The following MYH16 variants were observed in gnomAD, a reference collection of about 807,000 sequenced individuals.
MYH16 encodes myosin heavy chain 16.
intron 39 of MYH16, among the ~76,000 whole-genome samples, chr7:99,303,870 T>C (rs1372720468): frequency 2.0e-5 from 3 of 152,106 alleles, no homozygotes; most frequent in Admixed American, 6.6e-5. Flanking sequence ...AAAAGGAAGA[T>C]GGATGAGCCC....
chr7:99,298,018 G>A (rs1313529597), intron 36 of MYH16, 23 bp downstream of exon 17: 1 of 456,584 alleles, frequency 2.2e-6, no homozygotes. Context: ...TGGGATGGGA[G>A]GCTGACTCTT....
chr7:99,259,459 GTTTA>G (rs1562776267), intron 11 of MYH16, among the ~76,000 whole-genome samples: 1 of 151,716 alleles, frequency 6.6e-6, no homozygotes, highest in Non-Finnish European at 1.5e-5. Flanking sequence ...TTTTATTTTT[GTTTA>G]TTTATTTTTT....
At chr7:99,246,689 G>A (rs1165466999) in intron 2 of MYH16, among the ~76,000 whole-genome samples, 1 of 151,656 alleles carries the variant, frequency 6.6e-6, no homozygotes, top group Admixed American at 6.6e-5. Context: ...GTGACAGAGT[G>A]AGACTCCATC....
chr7:99,297,612 A>G lies in MYH16; in HGVS notation n.4500-48A>G, dbSNP rs537434704. On this transcript the variant is annotated intron_variant and non_coding_transcript_variant, in intron 34 of 41. Coordinates refer to ENST00000439784, the Ensembl canonical transcript of MYH16. ...TGGAGGAATGACGGTGCCACCTGCC[A>G]TGACCCTGGAATGCCGAGTCTTATT... The G allele has an allele frequency of 6.3e-4, 279 of 441,074 alleles. 5 individuals carry two copies. Among genetic ancestry groups the G allele is most frequent in the South Asian group, 4.4e-3 (274 of 62,142 alleles). 27.3% of individuals were successfully genotyped at this position (441,074 alleles called of 1,614,324 possible). A position where few individuals can be genotyped will look rare whatever the true frequency, so the allele number is the denominator to read the frequency against.
downstream of MYH16, among the ~76,000 whole-genome samples, chr7:99,309,166 T>A (rs1792722884): frequency 6.6e-6 from 1 of 152,100 alleles, no homozygotes; most frequent in Admixed American, 6.6e-5. Flanking sequence ...GTGGGATTAA[T>A]CAGGGCAGCA....
At chr7:99,254,741 G>A (rs1003374332) in intron 8 of MYH16, among the ~76,000 whole-genome samples, 15 of 152,192 alleles carry the variant, frequency 9.9e-5, no homozygotes, top group Admixed American at 2.6e-4. Context: ...AGAAATAAGG[G>A]CATTGAGTAC....
chr7:99,272,496 G>A (rs1157623036), intron 19 of MYH16, among the ~76,000 whole-genome samples: 1 of 152,090 alleles, frequency 6.6e-6, no homozygotes, highest in Non-Finnish European at 1.5e-5. Flanking sequence ...CCAGCACTTT[G>A]AGAAGCCAAG....
exon 36 of MYH16, chr7:99,297,953 A>G: frequency 2.2e-6 from 1 of 456,660 alleles, no homozygotes; most frequent in East Asian, 7.0e-5. Context: ...GCTGACATCG[A>G]CCGAAGAATC....
At chr7:99,301,633 G>A in exon 38 of MYH16, 2 of 153,418 alleles carry the variant, frequency 1.3e-5, no homozygotes, top group Non-Finnish European at 2.9e-5. Flanking sequence ...AGGATGCCAG[G>A]CAGCACGAGG....
intron 8 of MYH16, among the ~76,000 whole-genome samples, chr7:99,255,161 T>C (rs894960042): frequency 6.6e-6 from 1 of 151,798 alleles, no homozygotes; most frequent in South Asian, 2.1e-4. Context: ...CCCAGCTACT[T>C]AGGAGGCTGA....
At chr7:99,271,713 A>C (rs1792048736) in intron 19 of MYH16, among the ~76,000 whole-genome samples, 1 of 152,044 alleles carries the variant, frequency 6.6e-6, no homozygotes, top group South Asian at 2.1e-4. Context: ...TTTATTTTTG[A>C]GTGGGGGATG....
intron 20 of MYH16, among the ~76,000 whole-genome samples, chr7:99,274,768 G>A (rs1220168445): frequency 6.6e-6 from 1 of 151,106 alleles, no homozygotes. Flanking sequence ...CCGCCTCCCG[G>A]GTTCAAGTTA....
At chr7:99,294,130 C>T (rs1253379525) in exon 33 of MYH16, 2 of 456,256 alleles carry the variant, frequency 4.4e-6, no homozygotes, top group Non-Finnish European at 8.8e-6. Context: ...AGTTGAGGAC[C>T]TCACCATCGA....
intron 18 of MYH16, among the ~76,000 whole-genome samples, chr7:99,270,471 G>A (rs1374348013): frequency 6.6e-6 from 1 of 151,456 alleles, no homozygotes; most frequent in African/African-American, 2.4e-5. Context: ...ACAGGCGCCC[G>A]CCACCACGCC....
intron 20 of MYH16, among the ~76,000 whole-genome samples, chr7:99,273,759 T>G (rs1398627265): frequency 7.6e-6 from 1 of 131,348 alleles, no homozygotes; most frequent in Non-Finnish European, 1.6e-5. Flanking sequence ...GAGAGGAAAG[T>G]AAGAAAGAGA....
At chr7:99,284,852 T>G (rs1169439407) in exon 26 of MYH16, 1 of 456,558 alleles carries the variant, frequency 2.2e-6, no homozygotes, top group African/African-American at 2.0e-5. Context: ...CAGGAGGGAT[T>G]TGGAAATAAA....
chr7:99,293,157 T>C (rs1387008900), intron 32 of MYH16, among the ~76,000 whole-genome samples: 1 of 152,040 alleles, frequency 6.6e-6, no homozygotes, highest in African/African-American at 2.4e-5. Context: ...TCAAAGAACA[T>C]GGTCAACTTA....
intron 23 of MYH16, among the ~76,000 whole-genome samples, 195 bp from the exon 6 acceptor site, chr7:99,283,370 G>A (rs1792228537): frequency 4.6e-5 from 7 of 152,188 alleles, no homozygotes. Flanking sequence ...TGACCTCCCT[G>A]ATGGGTGGCT....
chr7:99,276,241 C>T (rs1332791607), intron 20 of MYH16, among the ~76,000 whole-genome samples: 1 of 152,220 alleles, frequency 6.6e-6, no homozygotes, highest in Non-Finnish European at 1.5e-5. Flanking sequence ...AGATTCTCAA[C>T]AGCCAGGCTG....
Sources: allele counts gnomAD v4.1 joint callset (sites outside exome capture counted in the v4.1 genomes callset), GRCh38; gene constraint gnomAD v4.1.1; transcripts MANE v1.5; gene names NCBI Gene and HGNC (gene_info 2026-07-23, HGNC 2026-07-21).